Variants in SORBS2 observed in about 807,000 individuals in gnomAD.
SORBS2 encodes sorbin and SH3 domain-containing protein 2.
SORBS2 carries 46 observed loss-of-function variants against 97.7 expected under a neutral mutation model. That is an observed-to-expected ratio of 0.47 (90% CI 0.37 to 0.60). The LOEUF (loss-of-function observed/expected upper bound fraction) is 0.60. Ranked by LOEUF, SORBS2 falls within the 20% of genes least tolerant of loss-of-function variation. The pLI, the probability that SORBS2 is intolerant of heterozygous loss-of-function variation, is 0.00. For synonymous variants in SORBS2, 476 were observed against 473.4 expected, an observed-to-expected ratio of 1.01 and a Z score of -0.07; for missense variants, 1,316 against 1,282.3, an observed-to-expected ratio of 1.03 and a Z score of -0.40.
chr4:185,827,249 T>C (rs201922215), intron 1 of SORBS2, among the ~76,000 whole-genome samples: 358 of 14,716 alleles, frequency 0.024, no homozygotes, highest in East Asian at 0.067. Flanking sequence ...ATCACCACCA[T>C]CATCATCACC....
At chr4:185,835,854 G>A (rs2099207788) in intron 1 of SORBS2, among the ~76,000 whole-genome samples, 1 of 151,954 alleles carries the variant, frequency 6.6e-6, no homozygotes, top group Non-Finnish European at 1.5e-5. Flanking sequence ...AACCCGGCCT[G>A]TTTCCCTGAA....
At chr4:185,752,362 G>A (rs1320110019) in intron 2 of SORBS2, among the ~76,000 whole-genome samples, 4 of 152,058 alleles carry the variant, frequency 2.6e-5, no homozygotes, top group Non-Finnish European at 4.4e-5. Flanking sequence ...TGCAAGCTCC[G>A]CCTCCCGGGT....
chr4:185,691,904 T>C (rs1245555696), intron 2 of SORBS2, among the ~76,000 whole-genome samples: 7 of 152,092 alleles, frequency 4.6e-5, no homozygotes, highest in Non-Finnish European at 1.0e-4. Flanking sequence ...GCCACCACGC[T>C]CGGATAATTT....
intron 1 of SORBS2, among the ~76,000 whole-genome samples, chr4:185,842,412 G>C (rs1030588087): frequency 6.6e-6 from 1 of 152,206 alleles, no homozygotes; most frequent in African/African-American, 2.4e-5. Flanking sequence ...CTAAAAGTCA[G>C]AGCATGCAGG....
At position 185,662,248 on chromosome 4, in the gene SORBS2, A is replaced by T. The variant is rs372273575; in HGVS notation, c.-45-6T>A. The T allele has an allele frequency of 1.3e-6, 2 of 1,599,492 alleles. No homozygotes were observed. Among genetic ancestry groups the T allele is most frequent in the African/African-American group, 1.3e-5 (1 of 74,778 alleles). On this transcript the variant is annotated splice_polypyrimidine_tract_variant and splice_region_variant and intron_variant, in intron 4 of 20. Coordinates refer to the SORBS2 transcript ENST00000284776. ...CCATTCACTGTTATCTGGCTCTGAG[A>T]AAAGCGCAAAGGCATCGAGTTAAAT...
chr4:185,821,128 C>G (rs757124589), intron 1 of SORBS2, among the ~76,000 whole-genome samples: 17 of 152,156 alleles, frequency 1.1e-4, no homozygotes, highest in Non-Finnish European at 1.5e-4. Flanking sequence ...GCCCGGGGGG[C>G]AAGGGGAGCA....
chr4:185,644,863 G>C (rs184909622), intron 4 of SORBS2, among the ~76,000 whole-genome samples: 4 of 152,144 alleles, frequency 2.6e-5, no homozygotes, highest in Admixed American at 2.6e-4. Flanking sequence ...TAGGGTCAAT[G>C]TATAAACCCT....
At chr4:185,834,064 T>C (rs1050734439) in intron 1 of SORBS2, among the ~76,000 whole-genome samples, 1 of 152,202 alleles carries the variant, frequency 6.6e-6, no homozygotes, top group African/African-American at 2.4e-5. Context: ...TAAACAGCCT[T>C]CAAATGTATG....
intron 4 of SORBS2, chr4:185,676,993 G>A (rs1159916772): frequency 3.9e-6 from 6 of 1,549,078 alleles, no homozygotes; most frequent in African/African-American, 1.4e-5. Context: ...GAAGCTTAAG[G>A]TACCACTCTG....
intron 1 of SORBS2, among the ~76,000 whole-genome samples, chr4:185,816,416 T>C (rs777602650): frequency 1.2e-4 from 19 of 152,226 alleles, no homozygotes; most frequent in Non-Finnish European, 2.4e-4. Context: ...AATTTTCTAA[T>C]TCCTAAAACA....
chr4:185,868,455 C>A (rs1328021362), intron 1 of SORBS2, among the ~76,000 whole-genome samples: 1 of 151,054 alleles, frequency 6.6e-6, no homozygotes, highest in East Asian at 1.9e-4. Context: ...CGTGCCCAGC[C>A]GAAAGCTTCT....
chr4:185,830,329 A>C (rs1013986844), intron 1 of SORBS2, among the ~76,000 whole-genome samples: 3 of 152,230 alleles, frequency 2.0e-5, no homozygotes, highest in Non-Finnish European at 2.9e-5. Context: ...GATTTGCAAG[A>C]TGACCATATA....
At chr4:185,745,242 G>A (rs2098752801) in intron 2 of SORBS2, among the ~76,000 whole-genome samples, 1 of 152,166 alleles carries the variant, frequency 6.6e-6, no homozygotes, top group Admixed American at 6.5e-5. Context: ...TAGGGAAGCA[G>A]TGTCTCTATC....
At chr4:185,809,712 T>C (rs763595327) in intron 1 of SORBS2, among the ~76,000 whole-genome samples, 1 of 152,170 alleles carries the variant, frequency 6.6e-6, no homozygotes, top group East Asian at 1.9e-4. Flanking sequence ...GCATGTCATC[T>C]TAAAAGGTTA....
intron 2 of SORBS2, among the ~76,000 whole-genome samples, chr4:185,742,550 G>A (rs1373675068): frequency 6.6e-6 from 1 of 152,130 alleles, no homozygotes; most frequent in Non-Finnish European, 1.5e-5. Context: ...TCCATTCCAG[G>A]GCATTTTTCT....
At chr4:185,915,432 T>C (rs1469848787) in intron 1 of SORBS2, among the ~76,000 whole-genome samples, 2 of 152,212 alleles carry the variant, frequency 1.3e-5, no homozygotes, top group Non-Finnish European at 2.9e-5. Flanking sequence ...GTCATTCTGA[T>C]GGCATGGAAA....
intron 1 of SORBS2, among the ~76,000 whole-genome samples, chr4:185,829,965 G>C (rs1433646641): frequency 6.6e-6 from 1 of 152,034 alleles, no homozygotes; most frequent in Non-Finnish European, 1.5e-5. Flanking sequence ...GTATGGGAAG[G>C]ATACCTAACA....
chr4:185,656,291 T>G (rs981887156), intron 1 of SORBS2, among the ~76,000 whole-genome samples: 1 of 152,174 alleles, frequency 6.6e-6, no homozygotes, highest in African/African-American at 2.4e-5. Context: ...CTTTCAATTG[T>G]AATATAGATG....
At chr4:185,751,497 C>T (rs1351245238) in intron 2 of SORBS2, among the ~76,000 whole-genome samples, 1 of 152,130 alleles carries the variant, frequency 6.6e-6, no homozygotes, top group Non-Finnish European at 1.5e-5. Flanking sequence ...CAAAGGCAAC[C>T]TCTGACCAAG....
Sources: gnomAD v4.1 joint callset for allele counts (sites outside exome capture counted in the v4.1 genomes callset) on GRCh38, gnomAD v4.1.1 for gene constraint, MANE v1.5 for transcripts, NCBI Gene and HGNC (gene_info 2026-07-23, HGNC 2026-07-21) for gene names.